Variants in HACD4 observed in about 807,000 individuals in gnomAD.
The protein encoded by HACD4 is very-long-chain (3R)-3-hydroxyacyl-CoA dehydratase 4.
HACD4 carries 35 observed loss-of-function variants against 33.3 expected under a neutral mutation model. That is an observed-to-expected ratio of 1.05 (90% confidence interval 0.80 to 1.39). The LOEUF (loss-of-function observed/expected upper bound fraction) is 1.39. Ranked by LOEUF, HACD4 falls within the 40% of genes most tolerant of loss-of-function variation. The probability of loss-of-function intolerance (pLI) is 0.00; values close to 1 mark genes in which losing one functional copy is unlikely to be tolerated. For synonymous variants in HACD4, 118 were observed against 98.0 expected, an observed-to-expected ratio of 1.20 and a Z score of -1.21; for missense variants, 323 against 276.5, an observed-to-expected ratio of 1.17 and a Z score of -1.19.
intron 3 of HACD4, among the ~76,000 whole-genome samples, chr9:21,016,979 G>A (rs1185992338): frequency 6.6e-6 from 1 of 151,900 alleles, no homozygotes; most frequent in African/African-American, 2.4e-5. Context: ...AATATAAAGT[G>A]CCTTCTTATG....
intron 1 of HACD4, among the ~76,000 whole-genome samples, chr9:21,030,745 G>GC (rs1818191369): frequency 6.6e-6 from 1 of 152,316 alleles, no homozygotes; most frequent in Admixed American, 6.5e-5. Flanking sequence ...CATATCGAAA[G>GC]CAGTTTAGTT....
intron 2 of HACD4, among the ~76,000 whole-genome samples, chr9:21,028,740 A>G (rs1419582762): frequency 6.6e-6 from 1 of 152,210 alleles, no homozygotes; most frequent in Non-Finnish European, 1.5e-5. Flanking sequence ...ACTTTTCAGG[A>G]AACTAGAGGA....
At chr9:21,027,841 A>T (rs1818102461) in intron 2 of HACD4, among the ~76,000 whole-genome samples, 1 of 152,226 alleles carries the variant, frequency 6.6e-6, no homozygotes. Context: ...TAACTGAGAA[A>T]GAAATGCGCC....
chr9:21,031,393 C>T, intron 1 of HACD4, 160 bp downstream of exon 1: 1 of 932,962 alleles, frequency 1.1e-6, no homozygotes, highest in Non-Finnish European at 1.3e-6. Flanking sequence ...GGTAAGTTAG[C>T]AAATACCTGC....
intron 2 of HACD4, among the ~76,000 whole-genome samples, chr9:21,027,204 T>C (rs1186511507): frequency 6.6e-6 from 1 of 152,198 alleles, no homozygotes; most frequent in Non-Finnish European, 1.5e-5. Context: ...TCAAATAACA[T>C]AGGTATCTAG....
rs1420767143 is a variant in HACD4, at chr9:21,004,655, C to A, written c.*2382G>T. On this transcript the variant is annotated 3_prime_UTR_variant, in exon 7 of 7. Coordinates refer to ENST00000495827, the MANE Select transcript of HACD4 (RefSeq NM_001010915.5). This position sits in a 1 kb window ranked among gnomAD's most constrained non-coding sequence, Gnocchi z 4.6. ...GCACCTTTATCTTGGACTTCCCTGC[C>A]TCCAGAACTGTGAGAAATATATTTG... The A allele has an allele frequency of 1.3e-5, 2 of 152,902 alleles. No homozygotes were observed. Among genetic ancestry groups the A allele is most frequent in the African/African-American group, 4.8e-5 (2 of 41,462 alleles). The allele number at this position is 152,902 out of a possible 1,614,324, so 9.5% of individuals were successfully genotyped here. A position where few individuals can be genotyped will look rare whatever the true frequency, so the allele number is the denominator to read the frequency against.
intron 1 of HACD4, 192 bp downstream of exon 1, chr9:21,031,361 G>A (rs944246688): frequency 3.0e-6 from 2 of 656,738 alleles, no homozygotes; most frequent in Admixed American, 6.3e-5. Flanking sequence ...AACAGAGCCT[G>A]CTTCCTAGGG....
intron 5 of HACD4, 114 bp downstream of exon 5, chr9:21,011,467 GGATACACT>G (rs2132772117): frequency 1.5e-6 from 1 of 685,908 alleles, no homozygotes; most frequent in African/African-American, 1.8e-5. Flanking sequence ...ATGCCAGTAA[GGATACACT>G]GAGTGAGCTA....
chr9:21,021,715 C>G (rs1394542629), intron 3 of HACD4, among the ~76,000 whole-genome samples: 2 of 152,048 alleles, frequency 1.3e-5, no homozygotes, highest in Non-Finnish European at 2.9e-5. Flanking sequence ...AACCACTGCT[C>G]AACGAAATAA....
intron 3 of HACD4, chr9:21,017,777 C>T (rs1219355408): frequency 6.6e-6 from 1 of 152,162 alleles, no homozygotes; most frequent in African/African-American, 2.4e-5. Flanking sequence ...CCCAGCCCCA[C>T]CTTTTTGGAA....
intron 5 of HACD4, among the ~76,000 whole-genome samples, chr9:21,008,463 G>C (rs1242452809): frequency 6.6e-6 from 1 of 152,118 alleles, no homozygotes; most frequent in Non-Finnish European, 1.5e-5. Context: ...GGGTGATAGA[G>C]AGATGAACTT....
chr9:21,030,483 CAAAA>C (rs761055190), intron 1 of HACD4, among the ~76,000 whole-genome samples: 1 of 152,012 alleles, frequency 6.6e-6, no homozygotes, highest in Non-Finnish European at 1.5e-5. Context: ...ACAACAACAA[CAAAA>C]AATCCATGTG....
At chr9:21,021,718 C>T (rs202078740) in intron 3 of HACD4, among the ~76,000 whole-genome samples, 16 of 151,892 alleles carry the variant, frequency 1.1e-4, no homozygotes, top group African/African-American at 2.2e-4. Flanking sequence ...CACTGCTCAA[C>T]GAAATAAAAG....
At chr9:21,021,386 A>G (rs7033035) in intron 3 of HACD4, among the ~76,000 whole-genome samples, 47,980 of 152,010 alleles carry the variant, frequency 0.32, 7,759 homozygotes, top group East Asian at 0.51. Context: ...CAGGGCAATC[A>G]GGCAGGAGAA....
chr9:21,031,531 G>T, intron 1 of HACD4, 22 bp downstream of exon 1: 1 of 1,459,890 alleles, frequency 6.8e-7, no homozygotes, highest in South Asian at 1.3e-5. Context: ...CCCTCCCCTC[G>T]GGATTCGGCC....
intron 2 of HACD4, 110 bp from the exon 3 acceptor site, chr9:21,026,833 T>G: frequency 1.2e-6 from 1 of 866,632 alleles, no homozygotes; most frequent in South Asian, 1.7e-5. Flanking sequence ...CCTTTTTCAT[T>G]GTACATGTGA....
At chr9:21,022,264 A>G (rs1817933274) in intron 3 of HACD4, among the ~76,000 whole-genome samples, 1 of 152,262 alleles carries the variant, frequency 6.6e-6, no homozygotes, top group African/African-American at 2.4e-5. Context: ...ACCTAAAACC[A>G]TAAAAACCCT....
rs748854787 is a variant in HACD4, at chr9:21,011,634, G to A, written c.445C>T (p.Gln149Ter). The change falls in exon 5 of 7, where the codon CAA becomes TAA. Residue 149 changes from glutamine (Q) to a stop codon, truncating the protein, a stop_gained. Coordinates refer to ENST00000495827, the MANE Select transcript of HACD4 (RefSeq NM_001010915.5). LOFTEE classifies it high-confidence loss of function. ...ISYAVLTWLSQTLWMPIYPLC... is the reference protein window; with the variant it reads ...ISYAVLTWLS The stretch of plus-strand genomic sequence containing the variant: ...GGATAAATTGGCATCCATAGTGTTT[G>A]ACTGAGCCATGTCAAGACAGCATAG... The A allele has an allele frequency of 1.9e-6, 3 of 1,611,886 alleles. No homozygotes were observed. Among genetic ancestry groups the A allele is most frequent in the Non-Finnish European group, 2.5e-6 (3 of 1,178,310 alleles).
intron 3 of HACD4, among the ~76,000 whole-genome samples, chr9:21,022,046 A>C (rs1817928086): frequency 6.6e-6 from 1 of 152,224 alleles, no homozygotes; most frequent in African/African-American, 2.4e-5. Context: ...AGACCAATGG[A>C]ACAGAAGAGA....
Sources: gnomAD v4.1 joint callset for allele counts (sites outside exome capture counted in the v4.1 genomes callset) on GRCh38, gnomAD v4.1.1 for gene constraint, Gnocchi (gnomAD v3.1) non-coding constraint, MANE v1.5 for transcripts, NCBI Gene and HGNC (gene_info 2026-07-23, HGNC 2026-07-21) for gene names.